MARCHF1: variants seen among roughly 807,000 people sequenced by gnomAD.
MARCHF1 encodes the protein membrane associated ring-CH-type finger 1, also known as E3 ubiquitin-protein ligase MARCHF1.
A neutral mutation model predicts 54.2 loss-of-function variants in MARCHF1; 40 were observed. That is an observed-to-expected ratio of 0.74 (90% CI 0.57 to 0.96). The LOEUF (loss-of-function observed/expected upper bound fraction) is 0.96, where lower values mean the gene tolerates loss of function less well. Among genes scored for constraint, MARCHF1 ranks in the 40% least tolerant of loss-of-function variants. The pLI is 0.00. For synonymous variants in MARCHF1, 236 were observed against 236.3 expected (o/e 1.00, Z 0.01); for missense variants, 586 against 656.5 (o/e 0.89, Z 1.17).
intron 1 of MARCHF1, among the ~76,000 whole-genome samples, chr4:164,181,871 G>A (rs1433015927): frequency 6.6e-6 from 1 of 152,064 alleles, no homozygotes; most frequent in Non-Finnish European, 1.5e-5. Context: ...TATGCCACAG[G>A]TTCTTGAAAT....
chr4:163,769,225 T>C (rs1400264906), intron 4 of MARCHF1, among the ~76,000 whole-genome samples: 2 of 152,136 alleles, frequency 1.3e-5, no homozygotes, highest in Non-Finnish European at 2.9e-5. Context: ...ACAATCATTC[T>C]AGAAGAAATA....
chr4:163,822,654 A>G (rs1035901819), intron 4 of MARCHF1, among the ~76,000 whole-genome samples: 2 of 151,924 alleles, frequency 1.3e-5, no homozygotes, highest in Non-Finnish European at 2.9e-5. Context: ...GTAATGTAAT[A>G]ATTTGATACA....
At chr4:164,101,954 C>A (rs1289102012) in intron 2 of MARCHF1, among the ~76,000 whole-genome samples, 1 of 145,328 alleles carries the variant, frequency 6.9e-6, no homozygotes, top group Non-Finnish European at 1.5e-5. Flanking sequence ...GGCTCGAGAA[C>A]TACGTGAAGA....
intron 5 of MARCHF1, among the ~76,000 whole-genome samples, chr4:163,682,298 T>C (rs1307242191): frequency 1.3e-5 from 2 of 152,206 alleles, no homozygotes; most frequent in East Asian, 1.9e-4. Flanking sequence ...GACAATGTGA[T>C]AGAAAAGGAA....
chr4:164,262,993 G>A (rs180912773), intron 1 of MARCHF1, among the ~76,000 whole-genome samples: 201 of 151,818 alleles, frequency 1.3e-3, no homozygotes, highest in East Asian at 7.1e-3. Flanking sequence ...AGTGTAATAA[G>A]TAAGTTACAA....
chr4:163,800,438 A>G (rs1748047707), intron 4 of MARCHF1, among the ~76,000 whole-genome samples: 1 of 151,964 alleles, frequency 6.6e-6, no homozygotes, highest in African/African-American at 2.4e-5. Context: ...ATATTAAAAT[A>G]TCTAATGTAT....
At chr4:163,780,928 T>C (rs915951761) in intron 4 of MARCHF1, among the ~76,000 whole-genome samples, 2 of 152,192 alleles carry the variant, frequency 1.3e-5, no homozygotes, top group Non-Finnish European at 2.9e-5. Context: ...TGAAGTTAAG[T>C]GAGTAAAACT....
intron 1 of MARCHF1, among the ~76,000 whole-genome samples, chr4:164,287,461 C>G (rs1334080675): frequency 6.6e-6 from 1 of 152,196 alleles, no homozygotes; most frequent in Non-Finnish European, 1.5e-5. Flanking sequence ...TGTCGTGGAA[C>G]ATCCTGATTA....
rs201402327 is a variant in MARCHF1 at position 163,923,766 on chromosome 4, T to TAA, written c.-39+64733_-39+64734dup. ...CATGATTTTGAAGGTGATAGAATTGTAAAAAAAAAAAAAAATAGAAAAAAG... is the reference window on the plus strand; with the variant it reads ...CATGATTTTGAAGGTGATAGAATTGTAAAAAAAAAAAAAAAAATAGAAAAAAG... On this transcript the variant is annotated intron_variant, in intron 3 of 9. Coordinates refer to ENST00000514618, the MANE Select transcript of MARCHF1 (RefSeq NM_001394959.1). Among the ~76,000 whole-genome samples the TAA allele has an allele frequency of 5.7e-3, 801 of 141,322 alleles. 7 individuals are homozygous for TAA. The highest frequency in any genetic ancestry group is 0.015 in the African/African-American group (578 of 38,252). 92.7% of individuals were successfully genotyped at this position (141,322 alleles called of 152,430 possible).
In MARCHF1 at chr4:163,856,271, A is replaced by AT. The variant is rs1244386490; in HGVS notation, c.-38-2103dup. ...ATAACTGTCATTATCTTATTTTAGGATTATTAGCTAGGCTAAATAATTCAG... is the reference window on the plus strand; with the variant it reads ...ATAACTGTCATTATCTTATTTTAGGATTTATTAGCTAGGCTAAATAATTCAG... On this transcript the variant is annotated intron_variant, in intron 3 of 9. Coordinates refer to ENST00000514618, the MANE Select transcript of MARCHF1 (RefSeq NM_001394959.1). Among the ~76,000 whole-genome samples the AT allele has an allele frequency of 2.6e-5, 4 of 152,322 alleles. No homozygotes were observed. In the East Asian group the frequency reaches 7.7e-4, roughly 29 times the overall value.
intron 4 of MARCHF1, among the ~76,000 whole-genome samples, chr4:163,753,289 G>A (rs1197649487): frequency 2.0e-5 from 3 of 151,700 alleles, no homozygotes; most frequent in Non-Finnish European, 4.4e-5. Context: ...TTTGCTTCAT[G>A]AAGAATATTT....
rs187130541 is a variant in MARCHF1, at chr4:164,218,912, T to C, written c.-322-107250A>G. Among the ~76,000 whole-genome samples the C allele has an allele frequency of 8.6e-4, 129 of 150,152 alleles. 1 individual carries two copies. The highest frequency in any genetic ancestry group is 2.8e-4 in the Non-Finnish European group (19 of 67,684). On this transcript the variant is annotated intron_variant, in intron 1 of 9. Transcript: ENST00000514618. ...CCTTTGGGAACTCCTTGCAAGAAAA[T>C]TGGGCATGAACCATTTTATATAGCA...
intron 1 of MARCHF1, among the ~76,000 whole-genome samples, chr4:164,294,539 T>C (rs1014784334): frequency 1.3e-5 from 2 of 152,148 alleles, no homozygotes; most frequent in African/African-American, 4.8e-5. Flanking sequence ...CTTCCTAACG[T>C]TTTCTACATT....
chr4:163,877,279 G>A (rs185235380), intron 3 of MARCHF1, among the ~76,000 whole-genome samples: 7 of 152,144 alleles, frequency 4.6e-5, no homozygotes, highest in African/African-American at 1.7e-4. Flanking sequence ...ATCTCAATAT[G>A]TTCACCATTT....
At position 164,199,681 on chromosome 4, in the gene MARCHF1, C is replaced by CAGAGAGAGAG. The variant is rs70952609; in HGVS notation, c.-322-88029_-322-88020dup. The stretch of plus-strand genomic sequence containing the variant: ...ACACACACACACACACACACACACA[C>CAGAGAGAGAG]AGAGAGAGAGAGAGAGAGAGAGAGA... On this transcript the variant is annotated intron_variant, in intron 1 of 9. Coordinates refer to ENST00000514618, the MANE Select transcript of MARCHF1 (RefSeq NM_001394959.1). 7.1e-3 allele frequency among the ~76,000 whole-genome samples: 336 copies of CAGAGAGAGAG among 47,610 alleles called. 6 individuals carry two copies. The highest frequency in any genetic ancestry group is 0.013 in the African/African-American group (151 of 11,854). 31.2% of individuals were successfully genotyped at this position (47,610 alleles called of 152,430 possible). A position where few individuals can be genotyped will look rare whatever the true frequency, so the allele number is the denominator to read the frequency against.
chr4:164,179,245 G>T (rs897708569), intron 1 of MARCHF1, among the ~76,000 whole-genome samples: 2 of 151,978 alleles, frequency 1.3e-5, no homozygotes, highest in African/African-American at 4.8e-5. Flanking sequence ...GAAAGGCTGT[G>T]GTTTCCTCTC....
Position 164,264,431 on chromosome 4 carries a change from T to C in MARCHF1, c.-323+119439A>G, listed in dbSNP as rs1200750254. ...TGAAATAATCTGTAGAGTAACCCCCTGTGACAGCAGTTTACCTATGTAACA... is the reference window on the plus strand; with the variant it reads ...TGAAATAATCTGTAGAGTAACCCCCCGTGACAGCAGTTTACCTATGTAACA... On this transcript the variant is annotated intron_variant, in intron 1 of 9. Transcript: ENST00000514618. Among the ~76,000 whole-genome samples the C allele has an allele frequency of 2.0e-5, 3 of 151,766 alleles. No individual in the cohort carries two copies. The East Asian group carries it at 5.8e-4, about 29-fold the overall frequency.
rs1206902094 is a variant in MARCHF1 at position 164,243,128 on chromosome 4, C to T, written c.-322-131466G>A. Among the ~76,000 whole-genome samples the T allele has an allele frequency of 6.5e-5, 8 of 123,478 alleles. No homozygotes were observed. The East Asian group carries it at 6.6e-4, about 10-fold the overall frequency. The allele number at this position is 123,478 out of a possible 152,430, so 81.0% of individuals were successfully genotyped here. A position where few individuals can be genotyped will look rare whatever the true frequency, so the allele number is the denominator to read the frequency against. ...GTTCAGATTCAGGAAATACAGAGAA[C>T]GCCACAAAGATACTCCTCGAGAAGA... On this transcript the variant is annotated intron_variant, in intron 1 of 9. Coordinates refer to ENST00000514618, the MANE Select transcript of MARCHF1 (RefSeq NM_001394959.1).
chr4:163,991,189 T>G (rs1266005336), intron 2 of MARCHF1, among the ~76,000 whole-genome samples: 2 of 152,236 alleles, frequency 1.3e-5, no homozygotes, highest in African/African-American at 4.8e-5. Flanking sequence ...GTTTGTTATA[T>G]CTTTTTAAGC....
Sources: allele counts gnomAD v4.1 joint callset (sites outside exome capture counted in the v4.1 genomes callset), GRCh38; gene constraint gnomAD v4.1.1; transcripts MANE v1.5; gene names NCBI Gene and HGNC (gene_info 2026-07-23, HGNC 2026-07-21).